The following ATRNL1 variants were observed in gnomAD, a reference collection of about 807,000 sequenced individuals.
ATRNL1 encodes the protein attractin like 1, also known as attractin-like protein 1.
Under a neutral mutation model 182.7 loss-of-function variants are expected in ATRNL1, and 95 were observed. That is an observed-to-expected ratio of 0.52 (90% CI 0.44 to 0.62). The LOEUF (loss-of-function observed/expected upper bound fraction) is 0.62. Ranked by LOEUF, ATRNL1 falls within the 20% of genes least tolerant of loss-of-function variation. The pLI is 0.00. For missense variants in ATRNL1, 1,471 were observed against 1,679.5 expected (o/e 0.88, Z 2.17); for synonymous variants, 576 against 568.3 (o/e 1.01, Z -0.19).
At chr10:115,737,967 A>C (rs1555066457) in intron 27 of ATRNL1, among the ~76,000 whole-genome samples, 3 of 151,742 alleles carry the variant, frequency 2.0e-5, no homozygotes, top group Admixed American at 2.0e-4. Context: ...CCTCCACCAG[A>C]GTTTCTATAG....
rs76977387 is a variant in ATRNL1 at position 115,563,770 on chromosome 10, T to C, written c.3795+14234T>C. The stretch of plus-strand genomic sequence containing the variant: ...TAATAGCATCCTGAATAATTGGCTT[T>C]CACAATAATTCAACCACATTGTAAG... On this transcript the variant is annotated intron_variant, in intron 26 of 28. Coordinates refer to ENST00000355044, the MANE Select transcript of ATRNL1 (RefSeq NM_207303.4). Among the ~76,000 whole-genome samples, 11 of 152,266 alleles carry C rather than the reference T, an allele frequency of 7.2e-5. No individual in the cohort carries two copies. The East Asian group carries it at 1.9e-3, about 27-fold the overall frequency.
intron 27 of ATRNL1, among the ~76,000 whole-genome samples, chr10:115,783,226 C>CCA (rs56301408): frequency 4.7e-5 from 7 of 150,044 alleles, no homozygotes; most frequent in African/African-American, 1.5e-4. Context: ...CTATATGATG[C>CCA]CACACACACA....
At chr10:115,120,047 G>A (rs1844658352) in intron 1 of ATRNL1, 138 bp from the exon 2 acceptor site, 1 of 570,234 alleles carries the variant, frequency 1.8e-6, no homozygotes, top group Non-Finnish European at 3.1e-6. Context: ...ATTTTCCTAA[G>A]TTGTAAATAA....
chr10:115,763,325 C>A (rs569005084), intron 27 of ATRNL1, among the ~76,000 whole-genome samples: 1 of 152,266 alleles, frequency 6.6e-6, no homozygotes, highest in South Asian at 2.1e-4. Flanking sequence ...GGGAGAGACA[C>A]AGATACTTGA....
chr10:115,109,821 A>G (rs1376536920), intron 1 of ATRNL1, among the ~76,000 whole-genome samples: 1 of 152,176 alleles, frequency 6.6e-6, no homozygotes, highest in Non-Finnish European at 1.5e-5. Context: ...ACAGAGCTTT[A>G]CTGAGTTACA....
chr10:115,281,750 A>G (rs1255138536), intron 14 of ATRNL1, among the ~76,000 whole-genome samples: 3 of 151,760 alleles, frequency 2.0e-5, no homozygotes, highest in Admixed American at 1.3e-4. Context: ...AATCTTAAAA[A>G]TGTAGAAAAT....
chr10:115,702,523 C>T (rs116424506), intron 26 of ATRNL1, among the ~76,000 whole-genome samples: 3 of 151,726 alleles, frequency 2.0e-5, no homozygotes, highest in Non-Finnish European at 4.4e-5. Flanking sequence ...ACACTAATGA[C>T]TCTATACTTA....
intron 27 of ATRNL1, among the ~76,000 whole-genome samples, chr10:115,813,014 A>G (rs1325779142): frequency 6.6e-6 from 1 of 152,106 alleles, no homozygotes; most frequent in African/African-American, 2.4e-5. Flanking sequence ...CTCTTCCTTT[A>G]TAAAAGGAGA....
intron 26 of ATRNL1, among the ~76,000 whole-genome samples, chr10:115,656,077 C>T (rs1247077664): frequency 6.6e-6 from 1 of 152,138 alleles, no homozygotes; most frequent in Non-Finnish European, 1.5e-5. Context: ...TGGTATTAGC[C>T]AGGCCTTCTG....
At chr10:115,537,462 C>T (rs78247983) in intron 25 of ATRNL1, among the ~76,000 whole-genome samples, 1 of 152,126 alleles carries the variant, frequency 6.6e-6, no homozygotes, top group Non-Finnish European at 1.5e-5. Flanking sequence ...AATCCTCTTT[C>T]CTTAATGACC....
At chr10:115,469,105 T>TA in intron 23 of ATRNL1, 67 bp from the exon 24 acceptor site, 1 of 556,290 alleles carries the variant, frequency 1.8e-6, no homozygotes, top group Admixed American at 4.4e-5. Context: ...TAAAAAACTA[T>TA]AATATGCATT....
intron 25 of ATRNL1, among the ~76,000 whole-genome samples, chr10:115,544,960 G>T (rs1218849180): frequency 2.0e-5 from 3 of 151,798 alleles, no homozygotes; most frequent in African/African-American, 7.3e-5. Flanking sequence ...ACTGTTTTTT[G>T]TTTGTATGTA....
intron 2 of ATRNL1, among the ~76,000 whole-genome samples, chr10:115,120,516 T>G (rs1277129090): frequency 6.6e-6 from 1 of 152,004 alleles, no homozygotes; most frequent in Non-Finnish European, 1.5e-5. Flanking sequence ...TGAGTAGGCA[T>G]TTTTTTGGTT....
Position 115,266,823 on chromosome 10 carries a change from C to G in ATRNL1, c.1799C>G (p.Ser600Cys). 6.2e-7 allele frequency: 1 copy of G among 1,606,060 alleles called. No homozygotes were observed. The highest frequency in any genetic ancestry group is 8.5e-7 in the Non-Finnish European group (1 of 1,174,908). The change falls in exon 12 of 29, where the codon TCT (serine) becomes TGT (cysteine). Residue 600 changes from serine (S) to cysteine (C), a missense_variant. Around this residue, in one of 3 missense-constraint regions of ATRNL1, gnomAD observed 1,031 missense variants for 1,156.0 expected, o/e 0.89. Transcript: ENST00000355044. Reference sequence around the variant, plus strand: ...TCCATGTATATATTTGGGGGATTTTCTAGTGTACTCCTTAATGATATCCTT... The same window carrying G: ...TCCATGTATATATTTGGGGGATTTTGTAGTGTACTCCTTAATGATATCCTT... ...NGSMYIFGGF[S>C]SVLLNDILVY...
Position 115,136,488 on chromosome 10 carries a change from G to C in ATRNL1, c.829+6953G>C, listed in dbSNP as rs183398529. Among the ~76,000 whole-genome samples, 487 of 152,302 alleles carry C rather than the reference G, an allele frequency of 3.2e-3. 3 individuals carry two copies. The highest frequency in any genetic ancestry group is 0.011 in the African/African-American group (464 of 41,558). On this transcript the variant is annotated intron_variant, in intron 5 of 28. Coordinates refer to ENST00000355044, the MANE Select transcript of ATRNL1 (RefSeq NM_207303.4). ...TAGTTTACATTAGCATTCACTGTCA[G>C]TGTTGGACATTCTGTGGGTTTGGAC...
At chr10:115,844,757 A>G (rs1950890891) in intron 27 of ATRNL1, among the ~76,000 whole-genome samples, 1 of 152,080 alleles carries the variant, frequency 6.6e-6, no homozygotes, top group Admixed American at 6.6e-5. Flanking sequence ...GAAAATGCCT[A>G]GAAGTAAATC....
At chr10:115,732,958 T>A (rs1947843860) in intron 27 of ATRNL1, among the ~76,000 whole-genome samples, 1 of 152,184 alleles carries the variant, frequency 6.6e-6, no homozygotes. Flanking sequence ...CCAGCAGTTA[T>A]CCATTGTAAT....
intron 26 of ATRNL1, among the ~76,000 whole-genome samples, chr10:115,612,871 A>T (rs1555019496): frequency 6.6e-6 from 1 of 152,164 alleles, no homozygotes; most frequent in East Asian, 1.9e-4. Context: ...CTCCATTTTG[A>T]TCCTGACAAC....
At chr10:115,814,735 A>T (rs555341812) in intron 27 of ATRNL1, among the ~76,000 whole-genome samples, 8 of 152,174 alleles carry the variant, frequency 5.3e-5, no homozygotes, top group Non-Finnish European at 1.0e-4. Context: ...CTTTCATTTT[A>T]TGCAGCCTAT....
Sources: allele counts gnomAD v4.1 joint callset (sites outside exome capture counted in the v4.1 genomes callset), GRCh38; gene constraint gnomAD v4.1.1; regional missense constraint gnomAD v4.1.1; transcripts MANE v1.5; gene names NCBI Gene and HGNC (gene_info 2026-07-23, HGNC 2026-07-21).